ZFX: variants seen among roughly 807,000 people sequenced by gnomAD.
ZFX encodes the protein zinc finger X-chromosomal protein.
For missense variants in ZFX, 362 were observed against 628.3 expected, an observed-to-expected ratio of 0.58 and a Z score of 4.53; for synonymous variants, 196 against 226.8, an observed-to-expected ratio of 0.86 and a Z score of 1.22.
intron 4 of ZFX, chrX:24,173,714 G>A: frequency 1.9e-6 from 1 of 528,857 alleles, no homozygotes; most frequent in East Asian, 3.7e-5. Flanking sequence ...CCGAGTAACT[G>A]GGGCTACAGG....
At chrX:24,167,662 A>G (rs1366863948) in intron 3 of ZFX, among the ~76,000 whole-genome samples, 2 of 112,263 alleles carry the variant, frequency 1.8e-5, no homozygotes, top group Non-Finnish European at 3.8e-5. Flanking sequence ...GATGGGGTGG[A>G]GATCAAATTA....
intron 4 of ZFX, among the ~76,000 whole-genome samples, chrX:24,174,911 A>G (rs750318662): frequency 6.4e-5 from 7 of 109,032 alleles, no homozygotes; most frequent in Non-Finnish European, 1.1e-4. Context: ...GGGTCTCGCT[A>G]TGTTGCCCAG....
chrX:24,150,257 GA>G (rs1486036262), intron 1 of ZFX: 1 of 103,532 alleles, frequency 9.7e-6, no homozygotes, highest in Admixed American at 9.9e-5. Context: ...GGGTTGCCGG[GA>G]GGGGGAGCCG....
At chrX:24,190,306 A>G (rs1485698650) in intron 5 of ZFX, among the ~76,000 whole-genome samples, 1 of 111,807 alleles carries the variant, frequency 8.9e-6, no homozygotes, top group Non-Finnish European at 1.9e-5. Context: ...ATCTTTTTAA[A>G]GCTTTTTCAG....
intron 5 of ZFX, among the ~76,000 whole-genome samples, chrX:24,200,350 CTGTGTGTT>C (rs1164303019): frequency 6.3e-5 from 7 of 111,353 alleles, no homozygotes; most frequent in African/African-American, 2.3e-4. Flanking sequence ...GTTTGTGTTT[CTGTGTGTT>C]TCCAGCCACA....
At chrX:24,210,005 A>G (rs1439231981) in intron 9 of ZFX, among the ~76,000 whole-genome samples, 188 bp from the exon 10 acceptor site, 10 of 111,842 alleles carry the variant, frequency 8.9e-5, no homozygotes, top group Admixed American at 7.6e-4. Flanking sequence ...AAGTTTCCAG[A>G]CCATTTTCTC....
intron 5 of ZFX, among the ~76,000 whole-genome samples, chrX:24,186,702 C>G (rs895183677): frequency 9.0e-6 from 1 of 111,647 alleles, no homozygotes; most frequent in Non-Finnish European, 1.9e-5. Context: ...TTTATAATAT[C>G]ATGGTTGTGT....
chrX:24,195,348 C>T (rs1409172426), intron 5 of ZFX, among the ~76,000 whole-genome samples: 5 of 102,863 alleles, frequency 4.9e-5, no homozygotes, highest in Non-Finnish European at 7.8e-5. Context: ...TGCCTGCCAC[C>T]GTGCCAATTT....
At chrX:24,173,875 C>T (rs2520323) in intron 4 of ZFX, among the ~76,000 whole-genome samples, 1 of 108,027 alleles carries the variant, frequency 9.3e-6, no homozygotes, top group African/African-American at 3.4e-5. Flanking sequence ...GGATTACAGG[C>T]GTGAGCCACC....
At chrX:24,164,034 T>G (rs2147372687) in intron 3 of ZFX, among the ~76,000 whole-genome samples, 1 of 107,623 alleles carries the variant, frequency 9.3e-6, no homozygotes, top group South Asian at 4.1e-4. Context: ...TTTCTTCCCC[T>G]CTTTTAGATT....
chrX:24,210,805 A>G lies in ZFX; in HGVS notation c.1847A>G (p.Asp616Gly), dbSNP rs1470102339. ...KCDICLLTFS[D>G]TKEVQQHALI... ...GACATTTGTCTTCTGACTTTCTCGG[A>G]TACCAAAGAGGTGCAGCAACATGCT... The change falls in exon 10 of 10, where the codon GAT (aspartate) becomes GGT (glycine). Residue 616 changes from aspartate to glycine, a missense_variant. By Grantham distance (94) the Asp-to-Gly change is moderately conservative. Transcript: ENST00000304543. The G allele has an allele frequency of 8.2e-7, 1 of 1,212,182 alleles. No homozygotes were observed. The highest frequency in any genetic ancestry group is 2.2e-5 in the Admixed American group (1 of 46,105).
chrX:24,186,670 G>T (rs1469939905), intron 5 of ZFX, among the ~76,000 whole-genome samples: 1 of 111,063 alleles, frequency 9.0e-6, no homozygotes, highest in East Asian at 2.8e-4. Context: ...AACAATAAAT[G>T]ATGATGAAGC....
At chrX:24,205,026 C>A (rs1008122241) in intron 5 of ZFX, among the ~76,000 whole-genome samples, 3 of 112,372 alleles carry the variant, frequency 2.7e-5, no homozygotes, top group Non-Finnish European at 3.8e-5. Context: ...AGTTGTGATT[C>A]ACTGTTTGTT....
chrX:24,188,768 CAAA>C (rs974569301), intron 5 of ZFX, among the ~76,000 whole-genome samples: 9 of 111,868 alleles, frequency 8.0e-5, no homozygotes, highest in African/African-American at 2.9e-4. Context: ...AATTCAGAAA[CAAA>C]AAGTACATTT....
chrX:24,179,485 G>C lies in ZFX; in HGVS notation c.361G>C (p.Asp121His), dbSNP rs138812925. Reference sequence around the variant, plus strand: ...AGTCCCAGATGATGTTTTAGCTTCTGACATTACTTCAGCCTCAATGTCTAT... The same window carrying C: ...AGTCCCAGATGATGTTTTAGCTTCTCACATTACTTCAGCCTCAATGTCTAT... ...CTVPDDVLAS[D>H]ITSASMSMPE... is the part of the protein sequence containing the mutation. Residue 121 changes from aspartate (D) to histidine (H), a missense_variant, in exon 5 of 10, where the codon GAC becomes CAC. Transcript: ENST00000304543. 8.3e-6 allele frequency: 10 copies of C among 1,210,963 alleles called. No homozygotes were observed. The highest frequency in any genetic ancestry group is 1.1e-5 in the Non-Finnish European group (10 of 895,491).
chrX:24,194,907 C>T (rs973044779), intron 5 of ZFX, among the ~76,000 whole-genome samples: 5 of 109,178 alleles, frequency 4.6e-5, no homozygotes, highest in African/African-American at 1.0e-4. Context: ...CCACCCTGCC[C>T]GGCTAATTTT....
At chrX:24,150,320 G>A (rs1448941470) in intron 1 of ZFX, among the ~76,000 whole-genome samples, 3 of 108,361 alleles carry the variant, frequency 2.8e-5, no homozygotes, top group Non-Finnish European at 5.8e-5. Context: ...CCCGTGAGGG[G>A]GGGTGGGAGA....
chrX:24,204,479 G>A (rs1231190092), intron 5 of ZFX, among the ~76,000 whole-genome samples: 1 of 112,030 alleles, frequency 8.9e-6, no homozygotes, highest in African/African-American at 3.2e-5. Context: ...TATAACTGGT[G>A]TAAATTACAC....
intron 3 of ZFX, among the ~76,000 whole-genome samples, chrX:24,169,563 T>C (rs1328056481): frequency 3.1e-5 from 3 of 95,282 alleles, no homozygotes; most frequent in Non-Finnish European, 4.1e-5. Flanking sequence ...TCAGGAAATA[T>C]GAAGCTGAGT....
Sources: gnomAD v4.1 joint callset for allele counts (sites outside exome capture counted in the v4.1 genomes callset) on GRCh38, gnomAD v4.1.1 for gene constraint, MANE v1.5 for transcripts, NCBI Gene and HGNC (gene_info 2026-07-23, HGNC 2026-07-21) for gene names.